TRIP13: variants seen among roughly 807,000 people sequenced by gnomAD.
TRIP13 encodes the protein thyroid hormone receptor interactor 13, also known as pachytene checkpoint protein 2 homolog.
Under a neutral mutation model 54.4 loss-of-function variants are expected in TRIP13, and 25 were observed. That is an observed-to-expected ratio of 0.46 (90% CI 0.33 to 0.64). TRIP13 has a LOEUF of 0.64. Among genes scored for constraint, TRIP13 ranks in the 30% least tolerant of loss-of-function variants. The probability of loss-of-function intolerance (pLI) is 0.02; values close to 1 mark genes in which losing one functional copy is unlikely to be tolerated. For synonymous variants in TRIP13, 207 were observed against 207.8 expected, an observed-to-expected ratio of 1.00 and a Z score of 0.03; for missense variants, 373 against 534.2, an observed-to-expected ratio of 0.70 and a Z score of 2.97.
chr5:901,390 A>G lies in TRIP13; in HGVS notation c.494A>G (p.Asn165Ser). Reference sequence around the variant, plus strand: ...TTACTGTTTTCAGACAAGAACGTCAACAGCAACCTCATCACCTGGAACCGG... The same window carrying G: ...TTACTGTTTTCAGACAAGAACGTCAGCAGCAACCTCATCACCTGGAACCGG... ...TTLLFSDKNV[N>S]SNLITWNRVV... Residue 165 changes from asparagine to serine, a missense_variant, in exon 5 of 13, where the codon AAC (asparagine) becomes AGC (serine). By Grantham distance (46) the Asn-to-Ser change is conservative. Coordinates refer to ENST00000166345, the MANE Select transcript of TRIP13 (RefSeq NM_004237.4). 1 of 1,614,206 alleles carries G rather than the reference A, an allele frequency of 6.2e-7. No homozygotes were observed. Among genetic ancestry groups the G allele is most frequent in the East Asian group, 2.2e-5 (1 of 44,880 alleles).
At chr5:901,221 C>T (rs895755991) in intron 4 of TRIP13, 120 bp from the exon 5 acceptor site, 57 of 743,108 alleles carry the variant, frequency 7.7e-5, no homozygotes, top group Non-Finnish European at 1.1e-4. Flanking sequence ...TCTTAGGAGG[C>T]GGCCTCGCTC....
intron 5 of TRIP13, among the ~76,000 whole-genome samples, chr5:903,559 C>T (rs1448009720): frequency 6.6e-6 from 1 of 152,014 alleles, no homozygotes; most frequent in African/African-American, 2.4e-5. Flanking sequence ...GCCTCGGCAC[C>T]TGGGTGGCTT....
chr5:900,633 C>G, intron 4 of TRIP13, 84 bp downstream of exon 4: 1 of 1,475,828 alleles, frequency 6.8e-7, no homozygotes, highest in Non-Finnish European at 9.2e-7. Flanking sequence ...CCCTGAGCAA[C>G]TTGATGCAGA....
chr5:903,786 A>G (rs1279998251), intron 5 of TRIP13, among the ~76,000 whole-genome samples: 1 of 152,196 alleles, frequency 6.6e-6, no homozygotes, highest in Non-Finnish European at 1.5e-5. Flanking sequence ...TGGATTTCAT[A>G]AAGGAAGAGT....
chr5:911,894 C>T lies in TRIP13; in HGVS notation c.918C>T (p.Asp306=), dbSNP rs759426638. 1.1e-5 allele frequency: 18 copies of T among 1,613,928 alleles called. No individual in the cohort carries two copies. The South Asian group carries it at 1.5e-4, about 14-fold the overall frequency. ...LTTSNITEKI[D]VAFVDRADIK... Reference sequence around the variant, plus strand: ...CTTCTAACATCACCGAGAAGATCGACGTGGCCTTCGTGGACAGGGCTGACA... The same window carrying T: ...CTTCTAACATCACCGAGAAGATCGATGTGGCCTTCGTGGACAGGGCTGACA... The change falls in exon 10 of 13, where the codon GAC becomes GAT. Residue 306 remains aspartate, a synonymous_variant. Coordinates refer to ENST00000166345, the MANE Select transcript of TRIP13 (RefSeq NM_004237.4). The surrounding 1 kb of genome is among the most constrained non-coding windows in gnomAD (Gnocchi z 4.7).
chr5:902,885 A>C (rs1754024600), intron 5 of TRIP13, among the ~76,000 whole-genome samples: 1 of 151,780 alleles, frequency 6.6e-6, no homozygotes, highest in Admixed American at 6.5e-5. Flanking sequence ...GCAGAGAGAG[A>C]GAAGAGAAAC....
chr5:900,086 G>T (rs544070616), intron 3 of TRIP13, among the ~76,000 whole-genome samples: 10 of 152,220 alleles, frequency 6.6e-5, no homozygotes, highest in African/African-American at 2.4e-4. Flanking sequence ...TTTATAATGT[G>T]TTGTTCACCA....
At chr5:918,474 C>G (rs539518330), downstream of TRIP13, among the ~76,000 whole-genome samples, 140 of 152,224 alleles carry the variant, frequency 9.2e-4, no homozygotes, top group African/African-American at 3.3e-3. This position sits in a 1 kb window ranked among gnomAD's most constrained non-coding sequence, Gnocchi z 4.3. Flanking sequence ...GGCTTGCGGC[C>G]CTTGTACTCA....
chr5:912,078 C>A lies in TRIP13; in HGVS notation c.1020+82C>A. On this transcript the variant is annotated intron_variant, in intron 10 of 12. Transcript: ENST00000166345. The surrounding 1 kb of genome is among the most constrained non-coding windows in gnomAD (Gnocchi z 7.2). ...TAATTAAGATAGCTTAAAATAAGCT[C>A]GTTCCAGTACGGAGGATTTCAACAT... is the stretch of plus-strand genomic sequence containing the variant. 6.7e-7 allele frequency: 1 copy of A among 1,488,590 alleles called. No individual in the cohort carries two copies. The highest frequency in any genetic ancestry group is 1.3e-5 in the South Asian group (1 of 76,480). 92.2% of individuals were successfully genotyped at this position (1,488,590 alleles called of 1,614,324 possible). A position where few individuals can be genotyped will look rare whatever the true frequency, so the allele number is the denominator to read the frequency against.
In TRIP13 at chr5:896,909, G is replaced by A. The variant is rs943035455; in HGVS notation, c.388+115G>A. ...GTCCATTTGTTTTGTAGGATTTTAG[G>A]ATGTTTTCTCTCTTATGAAATGGAA... On this transcript the variant is annotated intron_variant, in intron 3 of 12. Coordinates refer to ENST00000166345, the MANE Select transcript of TRIP13 (RefSeq NM_004237.4). 10 of 1,251,526 alleles carry A rather than the reference G, an allele frequency of 8.0e-6. No individual in the cohort carries two copies. The South Asian group carries it at 1.7e-4, about 21-fold the overall frequency. 77.5% of individuals were successfully genotyped at this position (1,251,526 alleles called of 1,614,324 possible).
intron 2 of TRIP13, 136 bp from the exon 3 acceptor site, chr5:896,529 T>C: frequency 1.2e-6 from 1 of 864,146 alleles, no homozygotes; most frequent in Non-Finnish European, 1.7e-6. Context: ...AATAGCCTTC[T>C]CATCTAATCT....
chr5:916,968 G>T (rs370733151), intron 12 of TRIP13, 40 bp from the exon 13 acceptor site: 1 of 1,596,424 alleles, frequency 6.3e-7, no homozygotes, highest in East Asian at 2.2e-5. Flanking sequence ...CCCACCAAAC[G>T]TGAGTTGAGC....
chr5:893,488 G>A lies in TRIP13; in HGVS notation c.92+398G>A, dbSNP rs80128912. 5.4e-3 allele frequency among the ~76,000 whole-genome samples: 820 copies of A among 152,340 alleles called. 7 individuals are homozygous for A. Among genetic ancestry groups the A allele is most frequent in the African/African-American group, 0.019 (781 of 41,568 alleles). On this transcript the variant is annotated intron_variant, in intron 1 of 12. Coordinates refer to ENST00000166345, the MANE Select transcript of TRIP13 (RefSeq NM_004237.4). ...GAGCTCTAGTCTCAGCCGAAAGCTG[G>A]GTGGTTATTCTTTGAGCCACTGCTT...
chr5:915,749 G>C lies in TRIP13; in HGVS notation c.1134-155G>C, dbSNP rs1449669534. Among the ~76,000 whole-genome samples, 2 of 152,208 alleles carry C rather than the reference G, an allele frequency of 1.3e-5. No individual in the cohort carries two copies. Among genetic ancestry groups the C allele is most frequent in the Non-Finnish European group, 2.9e-5 (2 of 68,030 alleles). On this transcript the variant is annotated intron_variant, in intron 11 of 12. Transcript: ENST00000166345. The surrounding 1 kb of genome is among the most constrained non-coding windows in gnomAD (Gnocchi z 4.2). ...GACATTCAGAGGGCAAGGCTCAGGA[G>C]ACCAGTGAGGGGCAGGAAGTGCCCT... is the stretch of plus-strand genomic sequence containing the variant.
chr5:914,429 G>A, intron 10 of TRIP13, 36 bp from the exon 11 acceptor site: 1 of 1,518,678 alleles, frequency 6.6e-7, no homozygotes, highest in Admixed American at 1.7e-5. Flanking sequence ...AGGCCTCTGT[G>A]GACTCAGCTA....
rs1282154207 is a variant in TRIP13 at position 911,052 on chromosome 5, C to T, written c.867-791C>T. ...GCATGCTCCCTGGGGGCACCTTGTG[C>T]CCGCTCTGCTGGCTCATGCTGGGTC... On this transcript the variant is annotated intron_variant, in intron 9 of 12. Coordinates refer to ENST00000166345, the MANE Select transcript of TRIP13 (RefSeq NM_004237.4). The surrounding 1 kb of genome is among the most constrained non-coding windows in gnomAD (Gnocchi z 4.7). Among the ~76,000 whole-genome samples, 1 of 152,254 alleles carries T rather than the reference C, an allele frequency of 6.6e-6. No individual in the cohort carries two copies.
Position 894,865 on chromosome 5 carries a change from A to T in TRIP13, c.171A>T (p.Thr57=), listed in dbSNP as rs1255105941. ...NRHNIVFGDY[T]WTEFDEPFLT... is the part of the protein sequence containing the mutation. ...ATAATATTGTGTTTGGTGATTACAC[A>T]TGGACTGAGTTTGATGAACCTTTTT... Residue 57 remains threonine, a synonymous_variant, in exon 2 of 13, where the codon ACA becomes ACT. Coordinates refer to ENST00000166345, the MANE Select transcript of TRIP13 (RefSeq NM_004237.4). 6.2e-7 allele frequency: 1 copy of T among 1,613,982 alleles called. No homozygotes were observed. Among genetic ancestry groups the T allele is most frequent in the African/African-American group, 1.3e-5 (1 of 74,918 alleles).
intron 3 of TRIP13, among the ~76,000 whole-genome samples, chr5:897,059 T>C (rs936564430): frequency 1.3e-5 from 2 of 152,262 alleles, no homozygotes; most frequent in African/African-American, 4.8e-5. Context: ...GCCTGCTTGG[T>C]CTGTCCTGCT....
chr5:916,862 G>T (rs1392838120), intron 12 of TRIP13, 146 bp from the exon 13 acceptor site: 2 of 553,206 alleles, frequency 3.6e-6, no homozygotes, highest in Non-Finnish European at 6.1e-6. Flanking sequence ...TCCTGGACGT[G>T]TGTGGTGCGC....
Sources: allele counts gnomAD v4.1 joint callset (sites outside exome capture counted in the v4.1 genomes callset), GRCh38; gene constraint gnomAD v4.1.1; non-coding constraint Gnocchi (gnomAD v3.1); transcripts MANE v1.5; gene names NCBI Gene and HGNC (gene_info 2026-07-23, HGNC 2026-07-21).